ALCAM: variants seen among roughly 807,000 people sequenced by gnomAD.
The protein encoded by ALCAM is activated leukocyte cell adhesion molecule.
Under a neutral mutation model 70.9 loss-of-function variants are expected in ALCAM, and 30 were observed. The ratio of observed to expected loss-of-function variants is 0.42; its 90% CI spans 0.32 to 0.57. ALCAM has a LOEUF of 0.57. Ranked by LOEUF, ALCAM falls within the 20% of genes least tolerant of loss-of-function variation. The pLI is 0.11. For missense variants in ALCAM, 591 were observed against 695.1 expected, an observed-to-expected ratio of 0.85 and a Z score of 1.68; for synonymous variants, 249 against 242.5, an observed-to-expected ratio of 1.03 and a Z score of -0.25.
intron 1 of ALCAM, among the ~76,000 whole-genome samples, chr3:105,448,616 A>T (rs1324777525): frequency 6.6e-6 from 1 of 152,170 alleles, no homozygotes; most frequent in African/African-American, 2.4e-5. Flanking sequence ...GGAAGAGCTT[A>T]AATTTCTGTA....
chr3:105,404,921 G>A (rs1331663285), intron 1 of ALCAM, among the ~76,000 whole-genome samples: 2 of 152,034 alleles, frequency 1.3e-5, no homozygotes, highest in East Asian at 1.9e-4. Flanking sequence ...GACGCTAAAA[G>A]CAAGCAGGAT....
At chr3:105,491,359 G>T (rs544231547) in intron 1 of ALCAM, among the ~76,000 whole-genome samples, 5 of 152,288 alleles carry the variant, frequency 3.3e-5, no homozygotes, top group African/African-American at 1.2e-4. Flanking sequence ...TTTTCCCATT[G>T]TCCTGGCAAT....
At chr3:105,476,390 C>G (rs960367520) in intron 1 of ALCAM, among the ~76,000 whole-genome samples, 1 of 152,026 alleles carries the variant, frequency 6.6e-6, no homozygotes, top group Admixed American at 6.6e-5. Flanking sequence ...AATCAAAACA[C>G]TTCACTCATG....
chr3:105,531,191 A>C (rs1939830285), intron 3 of ALCAM: 1 of 152,076 alleles, frequency 6.6e-6, no homozygotes, highest in Non-Finnish European at 1.5e-5. Flanking sequence ...CTAAGAATAA[A>C]ATAACTTAAA....
Position 105,540,076 on chromosome 3 carries a change from C to A in ALCAM, c.832C>A (p.Pro278Thr). The part of the protein sequence containing the change: ...LKCLGNGNPP[P>T]EEFLFYLPGQ... ...ATGCTTAGGGAATGGCAACCCTCCC[C>A]CAGAGGAATTTTTGTTTTACTTACC... The change falls in exon 7 of 16, where the codon CCA (proline) becomes ACA (threonine). Residue 278 changes from proline (P) to threonine (T), a missense_variant. Physicochemically the swap from Pro to Thr is conservative, Grantham distance 38 (BLOSUM62 -1). Around this residue, in one of 2 missense-constraint regions of ALCAM, gnomAD observed 427 missense variants for 450.4 expected, o/e 0.95. Coordinates refer to ENST00000306107, the MANE Select transcript of ALCAM (RefSeq NM_001627.4). 1.9e-6 allele frequency: 3 copies of A among 1,611,878 alleles called. No individual in the cohort carries two copies. Among genetic ancestry groups the A allele is most frequent in the Non-Finnish European group, 2.5e-6 (3 of 1,178,536 alleles).
chr3:105,420,200 C>G (rs932489129), intron 1 of ALCAM, among the ~76,000 whole-genome samples: 1 of 151,460 alleles, frequency 6.6e-6, no homozygotes, highest in African/African-American at 2.4e-5. Flanking sequence ...AAAGAGCCAC[C>G]CTTTGATGTT....
At chr3:105,524,815 A>G in intron 3 of ALCAM, 3 of 1,106,574 alleles carry the variant, frequency 2.7e-6, no homozygotes, top group South Asian at 3.3e-5. Flanking sequence ...TTTTACTGAC[A>G]TGTACAAATA....
At chr3:105,455,963 C>G (rs1334965943) in intron 1 of ALCAM, among the ~76,000 whole-genome samples, 1 of 152,168 alleles carries the variant, frequency 6.6e-6, no homozygotes, top group African/African-American at 2.4e-5. Flanking sequence ...CCTGTAATCC[C>G]AGCTACTCGG....
chr3:105,533,144 A>G (rs757514640), intron 4 of ALCAM, among the ~76,000 whole-genome samples: 1 of 152,220 alleles, frequency 6.6e-6, no homozygotes, highest in African/African-American at 2.4e-5. Flanking sequence ...AGTGAGGGGA[A>G]TTATAGAGCA....
At chr3:105,555,397 G>C (rs1292655235) in intron 14 of ALCAM, among the ~76,000 whole-genome samples, 2 of 152,024 alleles carry the variant, frequency 1.3e-5, no homozygotes, top group Non-Finnish European at 2.9e-5. Context: ...TTCCTGGTTA[G>C]TTATTCCTTG....
chr3:105,368,540 C>T (rs1005073239), intron 1 of ALCAM, among the ~76,000 whole-genome samples: 6 of 151,908 alleles, frequency 3.9e-5, no homozygotes, highest in African/African-American at 1.5e-4. Flanking sequence ...GGTATTTTGG[C>T]CTGTTTGTTC....
At chr3:105,527,630 C>T (rs754301959) in intron 3 of ALCAM, among the ~76,000 whole-genome samples, 9 of 151,836 alleles carry the variant, frequency 5.9e-5, no homozygotes, top group Admixed American at 1.3e-4. Context: ...GTTGCTCCAG[C>T]TCTAAAAAAA....
intron 8 of ALCAM, chr3:105,544,666 A>G (rs1940201220): frequency 6.2e-6 from 1 of 160,986 alleles, no homozygotes; most frequent in South Asian, 1.8e-4. Flanking sequence ...CATACAGATC[A>G]GACTATGACA....
chr3:105,566,593 A>G (rs1454599723), intron 14 of ALCAM, among the ~76,000 whole-genome samples: 1 of 152,114 alleles, frequency 6.6e-6, no homozygotes, highest in Non-Finnish European at 1.5e-5. Context: ...CCTTTTAACT[A>G]TACCTCTTTG....
rs1179390405 is a variant in ALCAM at position 105,524,507 on chromosome 3, C to T, written c.393C>T (p.Phe131=). 1 of 1,613,960 alleles carries T rather than the reference C, an allele frequency of 6.2e-7. No homozygotes were observed. Among genetic ancestry groups the T allele is most frequent in the East Asian group, 2.2e-5 (1 of 44,870 alleles). Residue 131 remains phenylalanine (F), a splice_region_variant and synonymous_variant, in exon 3 of 16, where the codon TTC becomes TTT. Transcript: ENST00000306107. ...VFEAPTIVKV[F]KQPSKPEIVS... is the part of the protein sequence containing the mutation. ...AGGCACCTACAATAGTCAAGGTGTT[C>T]AGTAAGTAGTCTGCAGCAGTGTCAC...
chr3:105,526,651 C>T (rs1939713226), intron 3 of ALCAM, among the ~76,000 whole-genome samples: 1 of 152,230 alleles, frequency 6.6e-6, no homozygotes, highest in East Asian at 1.9e-4. Context: ...GTAAAATGAA[C>T]AGCAAAGCTT....
intron 1 of ALCAM, among the ~76,000 whole-genome samples, chr3:105,473,972 C>G (rs1160921781): frequency 1.3e-5 from 2 of 151,344 alleles, no homozygotes; most frequent in Admixed American, 1.3e-4. Flanking sequence ...TTGAGCCATG[C>G]TTTTAAGGGT....
At chr3:105,386,095 G>T (rs575107982) in intron 1 of ALCAM, among the ~76,000 whole-genome samples, 1 of 151,624 alleles carries the variant, frequency 6.6e-6, no homozygotes, top group South Asian at 2.1e-4. Context: ...GTGAGCATCT[G>T]CTTCTCTTCA....
At chr3:105,570,579 GT>G (rs1940839099) in intron 14 of ALCAM, among the ~76,000 whole-genome samples, 1 of 152,088 alleles carries the variant, frequency 6.6e-6, no homozygotes, top group South Asian at 2.1e-4. Context: ...ACACACACAT[GT>G]CTAAGCTATG....
Sources: gnomAD v4.1 joint callset for allele counts (sites outside exome capture counted in the v4.1 genomes callset) on GRCh38, gnomAD v4.1.1 for gene constraint, gnomAD v4.1.1 regional missense constraint, MANE v1.5 for transcripts, NCBI Gene and HGNC (gene_info 2026-07-23, HGNC 2026-07-21) for gene names.